Variants in PTCHD4 observed in about 807,000 individuals in gnomAD.
The protein encoded by PTCHD4 is patched domain-containing protein 4.
A neutral mutation model predicts 58.1 loss-of-function variants in PTCHD4; 33 were observed. That is an observed-to-expected ratio of 0.57 (90% CI 0.43 to 0.76). PTCHD4 has a LOEUF of 0.76. Ranked by LOEUF, PTCHD4 falls within the 30% of genes least tolerant of loss-of-function variation. The pLI is 0.00. For missense variants in PTCHD4, 1,058 were observed against 1,027.1 expected, an observed-to-expected ratio of 1.03 and a Z score of -0.41; for synonymous variants, 478 against 409.6, an observed-to-expected ratio of 1.17 and a Z score of -2.02.
chr6:47,916,024 T>C (rs535810539), intron 4 of PTCHD4, among the ~76,000 whole-genome samples: 1 of 152,072 alleles, frequency 6.6e-6, no homozygotes, highest in Admixed American at 6.6e-5. Flanking sequence ...CTTGAGAGAG[T>C]GTGATGTGTG....
chr6:47,895,560 A>G (rs1003119963), intron 4 of PTCHD4, among the ~76,000 whole-genome samples: 4 of 152,222 alleles, frequency 2.6e-5, no homozygotes, highest in Admixed American at 1.3e-4. Context: ...TCAAACAACT[A>G]ATCAGCAGAT....
chr6:47,963,791 CAG>C (rs140136111), intron 4 of PTCHD4, among the ~76,000 whole-genome samples: 2,727 of 152,188 alleles, frequency 0.018, 45 homozygotes, highest in South Asian at 0.054. Flanking sequence ...TACTGTCCAA[CAG>C]AGCAATGACA....
At chr6:47,920,531 T>C (rs1290267931) in intron 4 of PTCHD4, among the ~76,000 whole-genome samples, 2 of 152,112 alleles carry the variant, frequency 1.3e-5, no homozygotes, top group Admixed American at 1.3e-4. Flanking sequence ...AAAGAAGAGT[T>C]CAAGATAAAA....
At position 47,870,467 on chromosome 6, in the gene PTCHD4, T is replaced by C. The variant is rs919080068; in HGVS notation, c.*7836A>G. ...ATGCAAATCTATGGGAAATAATTTG[T>C]TCTTTATTTGTTTCTATTATAGTTA... is the stretch of plus-strand genomic sequence containing the variant. On this transcript the variant is annotated 3_prime_UTR_variant, in exon 5 of 5. Transcript: ENST00000339488. 5.9e-5 allele frequency among the ~76,000 whole-genome samples: 9 copies of C among 151,658 alleles called. No homozygotes were observed. The highest frequency in any genetic ancestry group is 5.3e-4 in the Admixed American group (8 of 15,184).
At chr6:47,998,164 G>T (rs1248410216) in intron 4 of PTCHD4, among the ~76,000 whole-genome samples, 1 of 152,116 alleles carries the variant, frequency 6.6e-6, no homozygotes, top group Non-Finnish European at 1.5e-5. Context: ...CAGTAAAGTG[G>T]ACTTCAATTA....
chr6:47,886,607 C>T (rs9395325), intron 4 of PTCHD4, among the ~76,000 whole-genome samples: 97,523 of 151,958 alleles, frequency 0.64, 32,289 homozygotes, highest in East Asian at 0.78. Context: ...CACCCCCGAT[C>T]GTGACATCCC....
At chr6:47,896,425 G>A (rs779374735) in intron 4 of PTCHD4, among the ~76,000 whole-genome samples, 4 of 152,192 alleles carry the variant, frequency 2.6e-5, no homozygotes, top group African/African-American at 4.8e-5. Context: ...GGTTTTCTCT[G>A]CCACATTGCT....
At chr6:48,041,786 C>A (rs1412405389) in intron 3 of PTCHD4, among the ~76,000 whole-genome samples, 1 of 151,710 alleles carries the variant, frequency 6.6e-6, no homozygotes, top group Non-Finnish European at 1.5e-5. Context: ...GAAGTTTAAC[C>A]GTAATTGCTA....
intron 3 of PTCHD4, among the ~76,000 whole-genome samples, chr6:48,051,369 T>C (rs1486604984): frequency 6.6e-6 from 1 of 152,002 alleles, no homozygotes; most frequent in Non-Finnish European, 1.5e-5. Context: ...AATTTTACCA[T>C]CTTAGCTGTG....
At chr6:48,008,338 G>A (rs185229290) in intron 4 of PTCHD4, among the ~76,000 whole-genome samples, 4 of 152,196 alleles carry the variant, frequency 2.6e-5, no homozygotes, top group Admixed American at 1.3e-4. Context: ...TCCTTAACTC[G>A]GTCTCTCATA....
At position 47,862,510 on chromosome 6, in the gene PTCHD4, G is replaced by A. The variant is rs551534979; in HGVS notation, c.*15793C>T. Among the ~76,000 whole-genome samples the A allele has an allele frequency of 5.5e-4, 84 of 151,524 alleles. 2 individuals are homozygous for A. The South Asian group carries it at 0.017, about 30-fold the overall frequency. ...ACCTGTTTATTTATTTGGTTTCCTG[G>A]CCATTTGTCAATTTTTTTCTTCATA... On this transcript the variant is annotated 3_prime_UTR_variant, in exon 5 of 5. Transcript: ENST00000339488.
intron 4 of PTCHD4, among the ~76,000 whole-genome samples, chr6:47,934,142 G>A (rs1383658130): frequency 6.6e-6 from 1 of 152,106 alleles, no homozygotes; most frequent in Non-Finnish European, 1.5e-5. Flanking sequence ...ACTCCAACTA[G>A]CTTGCCCACT....
At chr6:48,085,771 C>G (rs1562044397) in intron 1 of PTCHD4, among the ~76,000 whole-genome samples, 1 of 152,148 alleles carries the variant, frequency 6.6e-6, no homozygotes, top group Non-Finnish European at 1.5e-5. Context: ...GAAATTCTGT[C>G]ATGATAAGAT....
In PTCHD4 at chr6:47,859,450, G is replaced by A. The variant is rs555855829; in HGVS notation, c.*18853C>T. ...TGTATCAGTAAGTTTACCTTAAAAT[G>A]ACTTACTAGATAATGAGATACATCT... On this transcript the variant is annotated 3_prime_UTR_variant, in exon 5 of 5. Coordinates refer to ENST00000339488, the MANE Select transcript of PTCHD4 (RefSeq NM_001384253.1). 5.3e-5 allele frequency among the ~76,000 whole-genome samples: 8 copies of A among 152,030 alleles called. No individual in the cohort carries two copies. The highest frequency in any genetic ancestry group is 1.4e-4 in the African/African-American group (6 of 41,514).
intron 1 of PTCHD4, among the ~76,000 whole-genome samples, chr6:48,107,634 A>G (rs1445461954): frequency 6.6e-6 from 1 of 152,178 alleles, no homozygotes; most frequent in Non-Finnish European, 1.5e-5. Context: ...TCTGCACAGC[A>G]AAAGAAACCA....
At chr6:48,078,501 C>T (rs941269843) in intron 1 of PTCHD4, among the ~76,000 whole-genome samples, 3 of 152,166 alleles carry the variant, frequency 2.0e-5, no homozygotes, top group Non-Finnish European at 4.4e-5. Flanking sequence ...TGTGCACATT[C>T]AATTTTTAGT....
intron 1 of PTCHD4, among the ~76,000 whole-genome samples, chr6:48,093,353 C>T (rs1765402913): frequency 2.0e-5 from 3 of 152,116 alleles, no homozygotes. Context: ...AGGTGAATCA[C>T]TCCAAGCCAT....
At chr6:48,036,500 A>C (rs767861283) in intron 3 of PTCHD4, among the ~76,000 whole-genome samples, 1 of 152,136 alleles carries the variant, frequency 6.6e-6, no homozygotes, top group Non-Finnish European at 1.5e-5. Context: ...ACACCATAAA[A>C]TCCCAGATGT....
chr6:47,962,260 C>T (rs1190693562), intron 4 of PTCHD4, among the ~76,000 whole-genome samples: 2 of 152,130 alleles, frequency 1.3e-5, no homozygotes, highest in Non-Finnish European at 2.9e-5. Flanking sequence ...ATGGCCTTTG[C>T]AGATTAAGGG....
Sources: allele counts gnomAD v4.1 joint callset (sites outside exome capture counted in the v4.1 genomes callset), GRCh38; gene constraint gnomAD v4.1.1; transcripts MANE v1.5; gene names NCBI Gene and HGNC (gene_info 2026-07-23, HGNC 2026-07-21).